PCYOX1L: variants seen among roughly 807,000 people sequenced by gnomAD.
PCYOX1L encodes the protein prenylcysteine oxidase 1-like.
A neutral mutation model predicts 44.1 loss-of-function variants in PCYOX1L; 40 were observed. The ratio of observed to expected loss-of-function variants is 0.91; its 90% CI spans 0.70 to 1.18. PCYOX1L has a LOEUF of 1.18. PCYOX1L is among the 50% of genes most tolerant of loss of function. The pLI, the probability that PCYOX1L is intolerant of heterozygous loss-of-function variation, is 0.00. For missense variants in PCYOX1L, 605 were observed against 653.3 expected, an observed-to-expected ratio of 0.93 and a Z score of 0.81; for synonymous variants, 266 against 282.8, an observed-to-expected ratio of 0.94 and a Z score of 0.60.
intron 3 of PCYOX1L, chr5:149,365,293 C>T (rs1370455438): frequency 6.6e-6 from 1 of 152,434 alleles, no homozygotes; most frequent in East Asian, 1.9e-4. Context: ...TTCTGGACAC[C>T]TCCATCTCGT....
At position 149,360,253 on chromosome 5, in the gene PCYOX1L, A is replaced by C. The variant is rs996709448; in HGVS notation, c.88+2097A>C. 7.2e-5 allele frequency among the ~76,000 whole-genome samples: 11 copies of C among 152,286 alleles called. No individual in the cohort carries two copies. In the South Asian group the frequency reaches 2.3e-3, roughly 32 times the overall value. ...TTTGTGCCCCAGGACATCTTACTGT[A>C]AATTAGAGAATTGGTGTCAGTTGTG... On this transcript the variant is annotated intron_variant, in intron 1 of 5. Transcript: ENST00000274569.
At chr5:149,363,029 C>T in intron 2 of PCYOX1L, 186 bp downstream of exon 2, 2 of 748,176 alleles carry the variant, frequency 2.7e-6, no homozygotes, top group Non-Finnish European at 2.3e-6. Context: ...GAGTTAGTTG[C>T]AGAGCCGGGA....
At position 149,364,217 on chromosome 5, in the gene PCYOX1L, C is replaced by T; in HGVS notation, c.470+7C>T. Reference sequence around the variant, plus strand: ...TCATGGAGAAGTTCATGAGGTAGGGCTGGCAGAGCTGTGGGGATGGCGTTC... The same window carrying T: ...TCATGGAGAAGTTCATGAGGTAGGGTTGGCAGAGCTGTGGGGATGGCGTTC... On this transcript the variant is annotated splice_region_variant and intron_variant, in intron 3 of 5. Transcript: ENST00000274569. 1 of 1,613,646 alleles carries T rather than the reference C, an allele frequency of 6.2e-7. No homozygotes were observed. Among genetic ancestry groups the T allele is most frequent in the African/African-American group, 1.3e-5 (1 of 75,038 alleles).
chr5:149,368,513 C>T lies in PCYOX1L; in HGVS notation c.1344C>T (p.Ala448=). The T allele has an allele frequency of 1.2e-6, 2 of 1,611,876 alleles. No homozygotes were observed. The highest frequency in any genetic ancestry group is 1.7e-6 in the Non-Finnish European group (2 of 1,178,830). The change falls in exon 6 of 6, where the codon GCC becomes GCT. Residue 448 remains alanine, a synonymous_variant. Transcript: ENST00000274569. ...ALHDQLFYLN[A]LEWAASSVEV... is the part of the protein sequence containing the mutation. The stretch of plus-strand genomic sequence containing the variant: ...ATGACCAGCTCTTCTACCTCAATGC[C>T]CTGGAGTGGGCGGCCAGCTCCGTGG...
intron 2 of PCYOX1L, 74 bp from the exon 3 acceptor site, chr5:149,363,962 T>C: frequency 2.0e-6 from 3 of 1,532,298 alleles, no homozygotes; most frequent in Non-Finnish European, 1.8e-6. Flanking sequence ...TTTCCTTTAA[T>C]GGACCAGTCC....
At chr5:149,360,186 C>T (rs908257362) in intron 1 of PCYOX1L, among the ~76,000 whole-genome samples, 2 of 152,232 alleles carry the variant, frequency 1.3e-5, no homozygotes, top group Non-Finnish European at 2.9e-5. Context: ...TCTGCCCATT[C>T]CATGCTGGGG....
chr5:149,368,683 A>T lies in PCYOX1L; in HGVS notation c.*29A>T, dbSNP rs992432836. The T allele has an allele frequency of 6.7e-6, 10 of 1,496,046 alleles. No individual in the cohort carries two copies. Among genetic ancestry groups the T allele is most frequent in the African/African-American group, 2.8e-5 (2 of 71,494 alleles). 92.7% of individuals were successfully genotyped at this position (1,496,046 alleles called of 1,614,324 possible). On this transcript the variant is annotated 3_prime_UTR_variant, in exon 6 of 6. Coordinates refer to ENST00000274569, the MANE Select transcript of PCYOX1L (RefSeq NM_024028.4). The stretch of plus-strand genomic sequence containing the variant: ...CTCTAGGGAGAGCCTGGGAACTTTC[A>T]TCCCCCACTGAAGATGGATCATCCC...
chr5:149,368,978 G>A lies in PCYOX1L; in HGVS notation c.*324G>A. Reference sequence around the variant, plus strand: ...AGCTAGAAACCAGAAGACTACGGGAGGGAATATAAGGCAGAGAACTATGAG... The same window carrying A: ...AGCTAGAAACCAGAAGACTACGGGAAGGAATATAAGGCAGAGAACTATGAG... On this transcript the variant is annotated 3_prime_UTR_variant, in exon 6 of 6. Coordinates refer to ENST00000274569, the MANE Select transcript of PCYOX1L (RefSeq NM_024028.4). The A allele has an allele frequency of 4.7e-6, 1 of 214,706 alleles. No individual in the cohort carries two copies. The highest frequency in any genetic ancestry group is 5.5e-5 in the Admixed American group (1 of 18,222). 13.3% of individuals were successfully genotyped at this position (214,706 alleles called of 1,614,324 possible).
rs1758328545 is a variant in PCYOX1L, at chr5:149,368,881, A to G, written c.*227A>G. On this transcript the variant is annotated 3_prime_UTR_variant, in exon 6 of 6. Coordinates refer to ENST00000274569, the MANE Select transcript of PCYOX1L (RefSeq NM_024028.4). ...AAAAGAGAAGGAAATCCAAGCCAGT[A>G]TATTTGTTTTATTTATTTTTTTTAA... is the stretch of plus-strand genomic sequence containing the variant. 2.5e-6 allele frequency: 1 copy of G among 398,936 alleles called. No individual in the cohort carries two copies. The highest frequency in any genetic ancestry group is 4.4e-6 in the Non-Finnish European group (1 of 227,944). The allele number at this position is 398,936 out of a possible 1,614,324, so 24.7% of individuals were successfully genotyped here.
chr5:149,362,547 A>T (rs1160675016), intron 1 of PCYOX1L, 90 bp from the exon 2 acceptor site: 1 of 1,367,882 alleles, frequency 7.3e-7, no homozygotes, highest in African/African-American at 1.4e-5. Context: ...CCTGGGAACC[A>T]CCAGCGCAGG....
Position 149,367,445 on chromosome 5 carries a change from C to A in PCYOX1L, c.768C>A (p.Leu256=). The change falls in exon 5 of 6, where the codon CTC becomes CTA. Residue 256 remains leucine (L), a synonymous_variant. Transcript: ENST00000274569. The part of the protein sequence containing the change: ...NKLVCSGLLK[L]TKANVIHATV... Reference sequence around the variant, plus strand: ...TGGTTTGTTCCGGTTTGCTGAAGCTCACCAAGGCCAATGTGATCCATGCCA... The same window carrying A: ...TGGTTTGTTCCGGTTTGCTGAAGCTAACCAAGGCCAATGTGATCCATGCCA... 1 of 1,613,950 alleles carries A rather than the reference C, an allele frequency of 6.2e-7. No homozygotes were observed. The highest frequency in any genetic ancestry group is 8.5e-7 in the Non-Finnish European group (1 of 1,179,882).
chr5:149,363,879 C>T, intron 2 of PCYOX1L, 157 bp from the exon 3 acceptor site: 4 of 730,490 alleles, frequency 5.5e-6, no homozygotes, highest in South Asian at 5.6e-5. Flanking sequence ...CTTGGTAGTC[C>T]AAACATTTTC....
At chr5:149,366,659 A>G (rs1001075729) in intron 4 of PCYOX1L, among the ~76,000 whole-genome samples, 1 of 152,252 alleles carries the variant, frequency 6.6e-6, no homozygotes, top group Non-Finnish European at 1.5e-5. Flanking sequence ...AACACAGAAC[A>G]GTGCCTAAGT....
intron 4 of PCYOX1L, among the ~76,000 whole-genome samples, chr5:149,366,803 GCCTCAGTGTCC>G (rs1758225666): frequency 1.3e-5 from 2 of 152,198 alleles, no homozygotes; most frequent in Admixed American, 1.3e-4. Context: ...TTCAGGCCCT[GCCTCAGTGTCC>G]CCTCAGTGTT....
Position 149,369,441 on chromosome 5 carries a change from A to G in PCYOX1L, c.*787A>G, listed in dbSNP as rs1364036763. On this transcript the variant is annotated 3_prime_UTR_variant, in exon 6 of 6. Transcript: ENST00000274569. ...AACAATATAAAGAAGAGAAGTCCCC[A>G]GATGGTAGAGAGCAGTCATATCTTA... is the stretch of plus-strand genomic sequence containing the variant. 1 of 152,212 alleles carries G rather than the reference A, an allele frequency of 6.6e-6. No individual in the cohort carries two copies. Among genetic ancestry groups the G allele is most frequent in the Non-Finnish European group, 1.5e-5 (1 of 68,026 alleles). 9.4% of individuals were successfully genotyped at this position (152,212 alleles called of 1,614,324 possible).
chr5:149,367,454 C>T lies in PCYOX1L; in HGVS notation c.777C>T (p.Ala259=), dbSNP rs748797626. The T allele has an allele frequency of 2.5e-6, 4 of 1,613,928 alleles. No homozygotes were observed. In the Admixed American group the frequency reaches 5.0e-5, roughly 20 times the overall value. ...CCGGTTTGCTGAAGCTCACCAAGGC[C>T]AATGTGATCCATGCCACAGTGACCT... ...VCSGLLKLTK[A]NVIHATVTSV... is the part of the protein sequence containing the mutation. Residue 259 remains alanine, a synonymous_variant, in exon 5 of 6, where the codon GCC becomes GCT. Coordinates refer to ENST00000274569, the MANE Select transcript of PCYOX1L (RefSeq NM_024028.4).
At chr5:149,363,320 T>G (rs537672688) in intron 2 of PCYOX1L, 3 of 335,988 alleles carry the variant, frequency 8.9e-6, no homozygotes, top group South Asian at 7.2e-5. Flanking sequence ...ACGTTCTGTT[T>G]GATGCAGAAA....
intron 1 of PCYOX1L, 56 bp from the exon 2 acceptor site, chr5:149,362,580 GC>G: frequency 6.4e-7 from 1 of 1,572,210 alleles, no homozygotes; most frequent in Non-Finnish European, 8.7e-7. Flanking sequence ...GTGAACTACA[GC>G]CTCTCACTCT....
At chr5:149,367,635 A>G (rs372798739) in intron 5 of PCYOX1L, 135 bp downstream of exon 5, 1 of 1,281,136 alleles carries the variant, frequency 7.8e-7, no homozygotes, top group Non-Finnish European at 1.0e-6. Context: ...AGAAGCCCCA[A>G]CCCTGCCAGG....
Sources: gnomAD v4.1 joint callset for allele counts (sites outside exome capture counted in the v4.1 genomes callset) on GRCh38, gnomAD v4.1.1 for gene constraint, MANE v1.5 for transcripts, NCBI Gene and HGNC (gene_info 2026-07-23, HGNC 2026-07-21) for gene names.